The following LSAMP variants were observed in gnomAD, a reference collection of about 807,000 sequenced individuals.
The protein encoded by LSAMP is limbic system associated membrane protein, also known as limbic system-associated membrane protein.
Under a neutral mutation model 38.6 loss-of-function variants are expected in LSAMP, and 7 were observed. The observed-to-expected ratio is 0.18, with a 90% CI of 0.10 to 0.34. The LOEUF is 0.34. Among genes scored for constraint, LSAMP ranks in the 10% least tolerant of loss-of-function variants. The pLI is 1.00. For missense variants in LSAMP, 313 were observed against 420.0 expected (o/e 0.75, Z 2.23); for synonymous variants, 154 against 166.8 (o/e 0.92, Z 0.59).
intron 3 of LSAMP, among the ~76,000 whole-genome samples, chr3:115,882,206 CAAT>C (rs907760683): frequency 5.3e-5 from 8 of 152,080 alleles, no homozygotes; most frequent in African/African-American, 1.4e-4. Flanking sequence ...CAACACTCCT[CAAT>C]AACTCACATA....
At position 115,962,133 on chromosome 3, in the gene LSAMP, T is replaced by C. The variant is rs902316126; in HGVS notation, c.514+57382A>G. On this transcript the variant is annotated intron_variant, in intron 3 of 6. Transcript: ENST00000490035. ...GACCTTAATGATCGACTTGCCCAAC[T>C]GCACAGCTGACGTTTGAATTAGAAC... Among the ~76,000 whole-genome samples the C allele has an allele frequency of 3.3e-5, 5 of 152,216 alleles. No homozygotes were observed. The East Asian group carries it at 7.7e-4, about 23-fold the overall frequency.
At chr3:115,974,749 A>T (rs756611122) in intron 3 of LSAMP, among the ~76,000 whole-genome samples, 1 of 152,184 alleles carries the variant, frequency 6.6e-6, no homozygotes, top group Non-Finnish European at 1.5e-5. Context: ...TGGGAAGATA[A>T]GCTAGTAATA....
At chr3:115,842,617 G>A (rs545959151) in intron 4 of LSAMP, 39 bp from the exon 5 acceptor site, 15 of 1,607,590 alleles carry the variant, frequency 9.3e-6, no homozygotes, top group Middle Eastern at 1.7e-4. Flanking sequence ...CATGAGGGTC[G>A]GGGTGCTTAG....
At chr3:115,820,101 A>T (rs1326018095) in intron 6 of LSAMP, among the ~76,000 whole-genome samples, 2 of 151,026 alleles carry the variant, frequency 1.3e-5, no homozygotes, top group Non-Finnish European at 3.0e-5. Flanking sequence ...TATAGACAGA[A>T]TTTTTTTTTG....
chr3:116,146,112 A>G (rs1033202724), intron 1 of LSAMP, among the ~76,000 whole-genome samples: 1 of 151,860 alleles, frequency 6.6e-6, no homozygotes, highest in African/African-American at 2.4e-5. Context: ...CCAATTAGCA[A>G]AAGTTTCATG....
intron 1 of LSAMP, among the ~76,000 whole-genome samples, chr3:116,348,096 A>T (rs2048087815): frequency 6.6e-6 from 1 of 152,054 alleles, no homozygotes; most frequent in Non-Finnish European, 1.5e-5. Flanking sequence ...CACTCTCGAA[A>T]TTTCACAGTT....
At chr3:115,842,428 G>A in intron 5 of LSAMP, 30 bp downstream of exon 5, 2 of 1,610,776 alleles carry the variant, frequency 1.2e-6, no homozygotes, top group Non-Finnish European at 1.7e-6. Flanking sequence ...ATGCAGTGGA[G>A]TCATGGGGGA....
At chr3:116,161,357 T>A (rs1709881920) in intron 1 of LSAMP, among the ~76,000 whole-genome samples, 1 of 152,216 alleles carries the variant, frequency 6.6e-6, no homozygotes, top group African/African-American at 2.4e-5. Flanking sequence ...ACATGTTTAT[T>A]CCTATACTAG....
intron 1 of LSAMP, among the ~76,000 whole-genome samples, chr3:116,119,398 T>C (rs1421372768): frequency 6.6e-6 from 1 of 152,086 alleles, no homozygotes; most frequent in Admixed American, 6.6e-5. Flanking sequence ...TCATAAATTG[T>C]ACCAAACTAA....
chr3:115,841,315 C>T (rs918432833), intron 6 of LSAMP, among the ~76,000 whole-genome samples: 2 of 152,116 alleles, frequency 1.3e-5, no homozygotes, highest in African/African-American at 2.4e-5. Context: ...ATTTTTCCTC[C>T]TTTAGATTTT....
chr3:115,938,858 T>C (rs1466797274), intron 3 of LSAMP, among the ~76,000 whole-genome samples: 1 of 152,182 alleles, frequency 6.6e-6, no homozygotes, highest in Non-Finnish European at 1.5e-5. Context: ...AATATCTTCA[T>C]TAAAAGACAA....
chr3:116,028,978 C>T (rs975221546), intron 2 of LSAMP, among the ~76,000 whole-genome samples: 3 of 152,034 alleles, frequency 2.0e-5, no homozygotes, highest in African/African-American at 7.2e-5. Flanking sequence ...CACAAAAATG[C>T]AAGAATATAT....
chr3:116,241,513 G>A (rs2046533557), intron 1 of LSAMP, among the ~76,000 whole-genome samples: 2 of 152,066 alleles, frequency 1.3e-5, no homozygotes, highest in Non-Finnish European at 2.9e-5. Flanking sequence ...GTTGCAGTGA[G>A]CTGGATTGTG....
chr3:115,889,673 G>A (rs1290542130), intron 3 of LSAMP, among the ~76,000 whole-genome samples: 2 of 152,020 alleles, frequency 1.3e-5, no homozygotes, highest in East Asian at 3.9e-4. Context: ...GAGATTAATA[G>A]TCTGTAATTC....
intron 1 of LSAMP, among the ~76,000 whole-genome samples, chr3:116,227,643 C>T (rs1363759427): frequency 6.7e-6 from 1 of 148,562 alleles, no homozygotes; most frequent in African/African-American, 2.4e-5. Flanking sequence ...CTTATTTTTC[C>T]TATTATCATC....
At chr3:116,154,701 C>T (rs1447399091) in intron 1 of LSAMP, among the ~76,000 whole-genome samples, 2 of 152,070 alleles carry the variant, frequency 1.3e-5, no homozygotes, top group African/African-American at 4.8e-5. Flanking sequence ...CATATCCTTC[C>T]CCCATCCCTA....
intron 2 of LSAMP, among the ~76,000 whole-genome samples, chr3:116,025,401 C>T (rs1169440416): frequency 6.6e-6 from 1 of 151,974 alleles, no homozygotes; most frequent in Non-Finnish European, 1.5e-5. Context: ...TTGGCTCTTA[C>T]TTTTTTGTTT....
At chr3:116,096,259 A>G (rs1333216898) in intron 1 of LSAMP, among the ~76,000 whole-genome samples, 6 of 152,230 alleles carry the variant, frequency 3.9e-5, no homozygotes, top group Admixed American at 6.5e-5. Flanking sequence ...TGAGCTCTGG[A>G]AGATCCTGAT....
chr3:115,897,368 T>A (rs7431922), intron 3 of LSAMP, among the ~76,000 whole-genome samples: 31,504 of 151,738 alleles, frequency 0.21, 3,431 homozygotes, highest in East Asian at 0.33. Context: ...TGATTTTTTT[T>A]AAAAAAGCTT....
Sources: allele counts gnomAD v4.1 joint callset (sites outside exome capture counted in the v4.1 genomes callset), GRCh38; gene constraint gnomAD v4.1.1; transcripts MANE v1.5; gene names NCBI Gene and HGNC (gene_info 2026-07-23, HGNC 2026-07-21).